The following RPTOR variants were observed in gnomAD, a reference collection of about 807,000 sequenced individuals.
The protein encoded by RPTOR is regulatory-associated protein of mTOR.
Under a neutral mutation model 169.9 loss-of-function variants are expected in RPTOR, and 21 were observed. The ratio of observed to expected loss-of-function variants is 0.12; its 90% CI spans 0.09 to 0.18. RPTOR has a LOEUF of 0.18. RPTOR is among the 10% of genes least tolerant of loss of function. The pLI is 1.00. For synonymous variants in RPTOR, 732 were observed against 753.2 expected (o/e 0.97, Z 0.46); for missense variants, 1,133 against 1,855.9 (o/e 0.61, Z 7.16).
intron 1 of RPTOR, among the ~76,000 whole-genome samples, chr17:80,561,878 ATATG>A (rs201808556): frequency 0.032 from 4,894 of 152,044 alleles, 258 homozygotes; most frequent in African/African-American, 0.11. Context: ...ATGTATGTGA[ATATG>A]TGTGTGTGTG....
At chr17:80,855,380 A>G in intron 11 of RPTOR, 84 bp from the exon 12 acceptor site, 2 of 1,032,214 alleles carry the variant, frequency 1.9e-6, no homozygotes, top group South Asian at 1.3e-5. Flanking sequence ...AGACCGCTCC[A>G]AAGCTGGCAG....
intron 21 of RPTOR, among the ~76,000 whole-genome samples, chr17:80,912,173 G>T (rs1374093699): frequency 1.3e-5 from 2 of 152,192 alleles, no homozygotes; most frequent in East Asian, 3.9e-4. Context: ...TTAATAAATG[G>T]TTTAAGTTTT....
At chr17:80,701,260 G>A (rs2066098583) in intron 3 of RPTOR, among the ~76,000 whole-genome samples, 2 of 152,200 alleles carry the variant, frequency 1.3e-5, no homozygotes, top group South Asian at 4.1e-4. Context: ...TTGCACTAGG[G>A]TGGAATCATG....
chr17:80,606,780 GCCATCCATCCAT>G (rs138907285), intron 1 of RPTOR, among the ~76,000 whole-genome samples: 2 of 151,510 alleles, frequency 1.3e-5, no homozygotes, highest in South Asian at 2.1e-4. Context: ...CTTCCGTCTG[GCCATCCATCCAT>G]CCATCCATCC....
intron 10 of RPTOR, among the ~76,000 whole-genome samples, chr17:80,840,393 T>TGGCAGCTCACATTCACC (rs2067617410): frequency 1.5e-5 from 2 of 134,916 alleles, no homozygotes; most frequent in Non-Finnish European, 3.1e-5. Flanking sequence ...TCACTCTCAC[T>TGGCAGCTCACATTCACC]GCATGGCAGC....
rs185632270 is a variant in RPTOR, at chr17:80,913,026, G to A, written c.2520+4097G>A. ...TGTGTCTGTGTGCGTGTGTGTGCACGCGTGTGTGTGTGTCTGAGTGTATAT... is the reference window on the plus strand; with the variant it reads ...TGTGTCTGTGTGCGTGTGTGTGCACACGTGTGTGTGTGTCTGAGTGTATAT... On this transcript the variant is annotated intron_variant, in intron 21 of 33. Transcript: ENST00000306801. Among the ~76,000 whole-genome samples, 592 of 152,238 alleles carry A rather than the reference G, an allele frequency of 3.9e-3. 7 individuals are homozygous for A. The highest frequency in any genetic ancestry group is 0.013 in the African/African-American group (539 of 41,520).
At chr17:80,842,333 A>ATT (rs34731564) in intron 10 of RPTOR, among the ~76,000 whole-genome samples, 3,597 of 150,020 alleles carry the variant, frequency 0.024, 165 homozygotes, top group African/African-American at 0.084. Flanking sequence ...TTGATTACTG[A>ATT]TTTTTTTTTT....
chr17:80,626,674 T>G (rs1338073830), intron 2 of RPTOR, among the ~76,000 whole-genome samples: 1 of 150,820 alleles, frequency 6.6e-6, no homozygotes, highest in Non-Finnish European at 1.5e-5. Flanking sequence ...ACGGTTGTCC[T>G]GTAGAGCTGG....
At chr17:80,587,774 CTT>C (rs56133925) in intron 1 of RPTOR, among the ~76,000 whole-genome samples, 2 of 147,088 alleles carry the variant, frequency 1.4e-5, no homozygotes, top group Non-Finnish European at 1.5e-5. Flanking sequence ...ACATATGTAT[CTT>C]TTTTTTTTTT....
intron 1 of RPTOR, among the ~76,000 whole-genome samples, chr17:80,614,614 A>G (rs1483015807): frequency 6.6e-6 from 1 of 152,230 alleles, no homozygotes; most frequent in African/African-American, 2.4e-5. Flanking sequence ...AGAGAATGTT[A>G]AAGAAAAAAT....
In RPTOR at chr17:80,659,533, G is replaced by C. The variant is rs1460343814; in HGVS notation, c.348+15723G>C. ...TTATTTATTTATTTTTTTTCAGTTG[G>C]AGTTTCTCTCTGTCGCCAGGCTGGA... On this transcript the variant is annotated intron_variant, in intron 3 of 33. Transcript: ENST00000306801. The surrounding 1 kb of genome is among the most constrained non-coding windows in gnomAD (Gnocchi z 4.3). Among the ~76,000 whole-genome samples the C allele has an allele frequency of 6.6e-6, 1 of 151,730 alleles. No individual in the cohort carries two copies. The highest frequency in any genetic ancestry group is 1.5e-5 in the Non-Finnish European group (1 of 67,950).
chr17:80,888,909 G>A (rs926595580), intron 17 of RPTOR, among the ~76,000 whole-genome samples: 2 of 152,218 alleles, frequency 1.3e-5, no homozygotes, highest in Non-Finnish European at 2.9e-5. Context: ...GCACAGGGAG[G>A]CCTTGCCACA....
At chr17:80,830,071 A>T (rs2067486376) in intron 9 of RPTOR, among the ~76,000 whole-genome samples, 1 of 152,216 alleles carries the variant, frequency 6.6e-6, no homozygotes, top group South Asian at 2.1e-4. Flanking sequence ...AGAAGATCCT[A>T]GATCCTCGTA....
At chr17:80,802,780 C>T (rs941719883) in intron 7 of RPTOR, 3 of 152,306 alleles carry the variant, frequency 2.0e-5, no homozygotes, top group African/African-American at 7.2e-5. Context: ...GTCAGTGCCC[C>T]TTGGCCGTCC....
chr17:80,848,888 G>A (rs956349481), intron 11 of RPTOR, among the ~76,000 whole-genome samples: 3 of 152,238 alleles, frequency 2.0e-5, no homozygotes, highest in Admixed American at 1.3e-4. Flanking sequence ...GCTGGAGGCA[G>A]CTTTCTGATG....
chr17:80,645,109 G>A (rs781637221), intron 3 of RPTOR, among the ~76,000 whole-genome samples: 1 of 152,204 alleles, frequency 6.6e-6, no homozygotes, highest in Non-Finnish European at 1.5e-5. Context: ...GTGGAGTCCT[G>A]TAAAAATGTA....
intron 1 of RPTOR, among the ~76,000 whole-genome samples, chr17:80,596,860 T>C (rs1195923943): frequency 6.6e-6 from 1 of 152,196 alleles, no homozygotes; most frequent in Non-Finnish European, 1.5e-5. Context: ...AAGCAAAATG[T>C]AATTTCCTCT....
chr17:80,588,163 A>G (rs967985872), intron 1 of RPTOR, among the ~76,000 whole-genome samples: 1 of 128,476 alleles, frequency 7.8e-6, no homozygotes, highest in Admixed American at 7.9e-5. Flanking sequence ...TTCTTTATCC[A>G]TTCTTTTTTT....
In RPTOR at chr17:80,959,977, C is replaced by A; in HGVS notation, c.3478-101C>A. 1 of 1,470,090 alleles carries A rather than the reference C, an allele frequency of 6.8e-7. No individual in the cohort carries two copies. Among genetic ancestry groups the A allele is most frequent in the Admixed American group, 1.8e-5 (1 of 56,920 alleles). 91.1% of individuals were successfully genotyped at this position (1,470,090 alleles called of 1,614,324 possible). A position where few individuals can be genotyped will look rare whatever the true frequency, so the allele number is the denominator to read the frequency against. The stretch of plus-strand genomic sequence containing the variant: ...CCCTGCAGCCAGGGAGGGTGATCCC[C>A]ACAGCCAGGCAGGCAGCAAGAGGGG... On this transcript the variant is annotated intron_variant, in intron 29 of 33. Transcript: ENST00000306801. This position sits in a 1 kb window ranked among gnomAD's most constrained non-coding sequence, Gnocchi z 6.7.
Sources: allele counts gnomAD v4.1 joint callset (sites outside exome capture counted in the v4.1 genomes callset), GRCh38; gene constraint gnomAD v4.1.1; non-coding constraint Gnocchi (gnomAD v3.1); transcripts MANE v1.5; gene names NCBI Gene and HGNC (gene_info 2026-07-23, HGNC 2026-07-21).